The following CCAR1 variants were observed in gnomAD, a reference collection of about 807,000 sequenced individuals.
CCAR1 encodes cell division cycle and apoptosis regulator 1.
CCAR1 carries 78 observed loss-of-function variants against 163.8 expected under a neutral mutation model. The ratio of observed to expected loss-of-function variants is 0.48; its 90% CI spans 0.40 to 0.57. The LOEUF (loss-of-function observed/expected upper bound fraction) is 0.57. Among genes scored for constraint, CCAR1 ranks in the 20% least tolerant of loss-of-function variants. CCAR1 has a pLI of 0.00. For synonymous variants in CCAR1, 443 were observed against 460.7 expected (o/e 0.96, Z 0.49); for missense variants, 1,019 against 1,365.2 (o/e 0.75, Z 4.00).
intron 1 of CCAR1, chr10:68,721,655 G>C (rs1218056427): frequency 2.3e-6 from 1 of 428,140 alleles, no homozygotes; most frequent in Non-Finnish European, 4.7e-6. Flanking sequence ...GGGAATAGAG[G>C]CTTTCTCCGT....
chr10:68,728,168 C>T (rs2055975782), intron 2 of CCAR1, among the ~76,000 whole-genome samples: 1 of 151,966 alleles, frequency 6.6e-6, no homozygotes, highest in Admixed American at 6.6e-5. Context: ...GAGGTACCTT[C>T]AGTATATTTG....
intron 24 of CCAR1, among the ~76,000 whole-genome samples, chr10:68,790,790 C>T (rs982211039): frequency 6.8e-6 from 1 of 147,016 alleles, no homozygotes; most frequent in African/African-American, 2.5e-5. Context: ...GGGCGGATCA[C>T]GAAGTCAGGA....
chr10:68,748,674 G>A (rs2056291290), intron 8 of CCAR1, among the ~76,000 whole-genome samples: 2 of 151,774 alleles, frequency 1.3e-5, no homozygotes, highest in South Asian at 2.1e-4. Flanking sequence ...ATCTTTTGTA[G>A]AGACAGGGTT....
chr10:68,748,114 A>G (rs968897518), intron 8 of CCAR1, among the ~76,000 whole-genome samples: 15 of 152,162 alleles, frequency 9.9e-5, no homozygotes, highest in Admixed American at 1.3e-4. Flanking sequence ...TCGGCCTCCC[A>G]AAGTACTGGG....
chr10:68,789,865 A>G lies in CCAR1; in HGVS notation c.3343A>G (p.Ile1115Val), dbSNP rs756322771. ...ATTTGAAAACCAAATGAATAAGACA[A>G]TCAGAAACTTATCTACGGTAATGGA... is the stretch of plus-strand genomic sequence containing the variant. ...LQFENQMNKTIRNLSTVMDEI... is the reference protein window; with the variant it reads ...LQFENQMNKTVRNLSTVMDEI... Residue 1115 changes from isoleucine to valine, a missense_variant, in exon 24 of 25, where the codon ATC becomes GTC. Physicochemically the swap from Ile to Val is conservative, Grantham distance 29. Coordinates refer to ENST00000265872, the MANE Select transcript of CCAR1 (RefSeq NM_018237.4). 13 of 1,603,846 alleles carry G rather than the reference A, an allele frequency of 8.1e-6. No individual in the cohort carries two copies. The East Asian group carries it at 1.1e-4, about 14-fold the overall frequency.
chr10:68,759,887 T>C (rs1266999157), intron 15 of CCAR1, among the ~76,000 whole-genome samples: 2 of 152,180 alleles, frequency 1.3e-5, no homozygotes, highest in Non-Finnish European at 2.9e-5. Context: ...AGGGACAGAG[T>C]GCAGTGGTGT....
In CCAR1 at chr10:68,755,414, AG is replaced by A. The variant is rs769636227; in HGVS notation, c.1505del (p.Gly502AlafsTer19). On this transcript the variant is annotated frameshift_variant, in exon 13 of 25. Coordinates refer to ENST00000265872, the MANE Select transcript of CCAR1 (RefSeq NM_018237.4). ...GCAAGGATGAAGCTATGGCCATTGG[AG>A]GCCACTGGTCTCCTTCGTTGGATGG... The part of the protein sequence containing the change: ...KGKDEAMAIG[G>X]HWSPSLDGPD... The A allele has an allele frequency of 6.2e-7, 1 of 1,614,004 alleles. No homozygotes were observed. The highest frequency in any genetic ancestry group is 1.1e-5 in the South Asian group (1 of 91,054).
At chr10:68,785,883 TTTAC>T (rs1256073512) in intron 19 of CCAR1, among the ~76,000 whole-genome samples, 7 of 152,222 alleles carry the variant, frequency 4.6e-5, no homozygotes, top group South Asian at 2.1e-4. Context: ...ACTGGCTTCT[TTTAC>T]TTAGCCTGTT....
chr10:68,773,363 G>T (rs1459297307), intron 19 of CCAR1, among the ~76,000 whole-genome samples: 2 of 151,940 alleles, frequency 1.3e-5, no homozygotes, highest in Non-Finnish European at 2.9e-5. Context: ...CCTAAGCTGT[G>T]CCATAAAAGC....
chr10:68,723,351 G>A (rs1180147479), intron 2 of CCAR1, among the ~76,000 whole-genome samples: 2 of 149,068 alleles, frequency 1.3e-5, no homozygotes, highest in East Asian at 2.0e-4. Context: ...GGATGGTCTC[G>A]ATCTCCTGAC....
chr10:68,762,132 G>A (rs531894523), intron 16 of CCAR1, among the ~76,000 whole-genome samples: 9 of 151,594 alleles, frequency 5.9e-5, no homozygotes, highest in African/African-American at 1.9e-4. Context: ...GATCGAGACC[G>A]TCCTGGCTAA....
chr10:68,722,374 A>G, intron 1 of CCAR1, 81 bp from the exon 2 acceptor site: 1 of 787,832 alleles, frequency 1.3e-6, no homozygotes, highest in South Asian at 1.4e-5. Context: ...CGACACATTA[A>G]ACATTTCTTT....
intron 17 of CCAR1, 127 bp downstream of exon 17, chr10:68,766,206 T>C: frequency 1.6e-6 from 1 of 643,356 alleles, no homozygotes. Context: ...TTTTGTTTTG[T>C]TTTTGTTTTT....
chr10:68,781,153 A>G (rs1419648268), intron 19 of CCAR1, among the ~76,000 whole-genome samples: 2 of 151,894 alleles, frequency 1.3e-5, no homozygotes, highest in African/African-American at 2.4e-5. Flanking sequence ...GAATTGTTTG[A>G]ACCAGAGAGG....
At chr10:68,772,790 TATATA>T (rs2056619210) in intron 18 of CCAR1, among the ~76,000 whole-genome samples, 193 bp from the exon 19 acceptor site, 1 of 149,404 alleles carries the variant, frequency 6.7e-6, no homozygotes, top group Non-Finnish European at 1.5e-5. Context: ...TATGTAATAA[TATATA>T]ATAATTGTTA....
chr10:68,765,530 CTT>C (rs1235792281), intron 16 of CCAR1, among the ~76,000 whole-genome samples: 4 of 151,910 alleles, frequency 2.6e-5, no homozygotes, highest in African/African-American at 9.7e-5. Flanking sequence ...ATCTATATTG[CTT>C]TGTCTTTTTA....
At chr10:68,740,592 G>C (rs765748844) in intron 4 of CCAR1, 37 bp from the exon 5 acceptor site, 1 of 1,578,188 alleles carries the variant, frequency 6.3e-7, no homozygotes, top group Non-Finnish European at 8.7e-7. Flanking sequence ...AATTCTGATT[G>C]ACCCTTTTCT....
intron 6 of CCAR1, among the ~76,000 whole-genome samples, chr10:68,745,292 C>T (rs778877749): frequency 6.6e-5 from 10 of 152,052 alleles, no homozygotes; most frequent in Non-Finnish European, 1.3e-4. Flanking sequence ...AGGCATGAGC[C>T]GCCACGCCCG....
intron 5 of CCAR1, among the ~76,000 whole-genome samples, chr10:68,741,121 C>G (rs901093683): frequency 4.0e-5 from 6 of 151,868 alleles, no homozygotes; most frequent in African/African-American, 1.5e-4. Flanking sequence ...ACCATGCTAG[C>G]CAAGCTGGTC....
Sources: allele counts gnomAD v4.1 joint callset (sites outside exome capture counted in the v4.1 genomes callset), GRCh38; gene constraint gnomAD v4.1.1; transcripts MANE v1.5; gene names NCBI Gene and HGNC (gene_info 2026-07-23, HGNC 2026-07-21).